Variants in ITGA8 observed in about 807,000 individuals in gnomAD.
The protein encoded by ITGA8 is integrin alpha-8.
Under a neutral mutation model 142.3 loss-of-function variants are expected in ITGA8, and 91 were observed. That is an observed-to-expected ratio of 0.64 (90% CI 0.54 to 0.76). The LOEUF (loss-of-function observed/expected upper bound fraction) is 0.76, where lower values mean the gene tolerates loss of function less well. Among genes scored for constraint, ITGA8 ranks in the 30% least tolerant of loss-of-function variants. The pLI is 0.00. For synonymous variants in ITGA8, 505 were observed against 485.2 expected (o/e 1.04, Z -0.54); for missense variants, 1,406 against 1,327.7 (o/e 1.06, Z -0.92).
intron 7 of ITGA8, among the ~76,000 whole-genome samples, chr10:15,672,139 T>C (rs1421649049): frequency 1.3e-5 from 2 of 152,226 alleles, no homozygotes; most frequent in African/African-American, 2.4e-5. Flanking sequence ...GCTGGCTACA[T>C]TGACAAAACA....
At chr10:15,628,077 G>C (rs568339895) in intron 13 of ITGA8, among the ~76,000 whole-genome samples, 1 of 151,922 alleles carries the variant, frequency 6.6e-6, no homozygotes, top group Non-Finnish European at 1.5e-5. Flanking sequence ...CCATGACAAC[G>C]TAAGAAAATT....
At chr10:15,571,451 A>T (rs1395685829) in intron 25 of ITGA8, among the ~76,000 whole-genome samples, 1 of 152,202 alleles carries the variant, frequency 6.6e-6, no homozygotes, top group Non-Finnish European at 1.5e-5. Flanking sequence ...TTCTTTATAC[A>T]AATGTGGCAT....
In ITGA8 at chr10:15,515,621, A is replaced by C. The variant is rs1332062602; in HGVS notation, c.*1537T>G. 6.7e-6 allele frequency: 1 copy of C among 148,914 alleles called. No individual in the cohort carries two copies. The highest frequency in any genetic ancestry group is 2.0e-4 in the East Asian group (1 of 5,056). The allele number at this position is 148,914 out of a possible 1,614,324, so 9.2% of individuals were successfully genotyped here. On this transcript the variant is annotated 3_prime_UTR_variant, in exon 30 of 30. Transcript: ENST00000378076. The stretch of plus-strand genomic sequence containing the variant: ...TTTAGGAAATTAATTAAAAAAAAAA[A>C]CGCCAGTGTAAACATGCTTCAGATA...
chr10:15,719,468 C>T (rs1276055435), intron 1 of ITGA8, 95 bp downstream of exon 1: 26 of 1,175,214 alleles, frequency 2.2e-5, no homozygotes, highest in African/African-American at 3.3e-5. Context: ...GGACGGGGAT[C>T]CCAGGCTGCG....
At chr10:15,641,645 A>C (rs1223343625) in intron 13 of ITGA8, among the ~76,000 whole-genome samples, 4 of 152,142 alleles carry the variant, frequency 2.6e-5, no homozygotes, top group Non-Finnish European at 5.9e-5. Context: ...TGAAAGCCTC[A>C]AGACTCTTGA....
chr10:15,627,217 G>T (rs1425986630), intron 13 of ITGA8, among the ~76,000 whole-genome samples: 2 of 152,174 alleles, frequency 1.3e-5, no homozygotes, highest in Non-Finnish European at 2.9e-5. Flanking sequence ...TACTTTCACT[G>T]GATCACTCAC....
intron 2 of ITGA8, 114 bp downstream of exon 2, chr10:15,718,652 A>G: frequency 7.6e-7 from 1 of 1,316,138 alleles, no homozygotes; most frequent in Admixed American, 2.0e-5. Context: ...CACAATACGG[A>G]CATATCAGAC....
At chr10:15,590,014 C>T (rs796599688) in intron 22 of ITGA8, among the ~76,000 whole-genome samples, 6 of 152,164 alleles carry the variant, frequency 3.9e-5, no homozygotes, top group Non-Finnish European at 5.9e-5. Flanking sequence ...CCACCCACCT[C>T]GGACTCCCAA....
intron 25 of ITGA8, among the ~76,000 whole-genome samples, chr10:15,565,804 G>A (rs1834068768): frequency 6.6e-6 from 1 of 151,588 alleles, no homozygotes; most frequent in Admixed American, 6.6e-5. Context: ...TTGCCAGGCT[G>A]GTTTTGAACT....
chr10:15,710,059 A>C (rs17303442), intron 2 of ITGA8, among the ~76,000 whole-genome samples: 12,983 of 152,206 alleles, frequency 0.085, 710 homozygotes, highest in Non-Finnish European at 0.12. Flanking sequence ...TTTCATTTAG[A>C]ATTTTTTTGT....
chr10:15,569,476 A>G (rs953057511), intron 25 of ITGA8, among the ~76,000 whole-genome samples: 13 of 152,230 alleles, frequency 8.5e-5, no homozygotes, highest in African/African-American at 2.4e-4. Context: ...GGTGAGTAAG[A>G]TTGGATACTG....
chr10:15,693,427 C>T (rs1453328211), intron 2 of ITGA8, among the ~76,000 whole-genome samples: 1 of 152,150 alleles, frequency 6.6e-6, no homozygotes, highest in African/African-American at 2.4e-5. Flanking sequence ...CTAAAATTTA[C>T]ATTTTGACAT....
chr10:15,678,447 A>C lies in ITGA8; in HGVS notation c.630+275T>G, dbSNP rs542790569. Among the ~76,000 whole-genome samples the C allele has an allele frequency of 3.5e-4, 54 of 152,314 alleles. 1 individual carries two copies. The highest frequency in any genetic ancestry group is 1.2e-3 in the Admixed American group (18 of 15,292). On this transcript the variant is annotated intron_variant, in intron 5 of 29. Coordinates refer to ENST00000378076, the MANE Select transcript of ITGA8 (RefSeq NM_003638.3). Reference sequence around the variant, plus strand: ...TTTTTAGATTTTCATTTAAAAAATTATTGCCACAAAGGATCAGAAGAAAGG... The same window carrying C: ...TTTTTAGATTTTCATTTAAAAAATTCTTGCCACAAAGGATCAGAAGAAAGG...
chr10:15,716,114 CA>C (rs1431219474), intron 2 of ITGA8, among the ~76,000 whole-genome samples: 4 of 152,244 alleles, frequency 2.6e-5, no homozygotes, highest in Non-Finnish European at 5.9e-5. Context: ...TTCATTCTGT[CA>C]TGGACCATTC....
At chr10:15,611,839 T>C (rs981529410) in intron 15 of ITGA8, among the ~76,000 whole-genome samples, 4 of 151,802 alleles carry the variant, frequency 2.6e-5, no homozygotes, top group East Asian at 1.9e-4. Context: ...TTCAGTCTTA[T>C]ACAAATATGC....
At chr10:15,619,153 G>T (rs540275516) in intron 13 of ITGA8, among the ~76,000 whole-genome samples, 26 of 152,254 alleles carry the variant, frequency 1.7e-4, no homozygotes, top group Admixed American at 1.1e-3. Flanking sequence ...GATCTTTATT[G>T]CATTCTTCTT....
At chr10:15,592,508 T>C (rs1832944361) in intron 21 of ITGA8, among the ~76,000 whole-genome samples, 2 of 152,234 alleles carry the variant, frequency 1.3e-5, no homozygotes, top group South Asian at 4.1e-4. Context: ...GTTGGTTCTC[T>C]CTCTCCATTT....
At chr10:15,672,480 A>G in intron 7 of ITGA8, 144 bp downstream of exon 7, 1 of 997,814 alleles carries the variant, frequency 1.0e-6, no homozygotes, top group Non-Finnish European at 1.5e-6. Flanking sequence ...ATTAAAAAGA[A>G]AAGAAAAATT....
At chr10:15,588,517 G>A (rs1832870686) in intron 22 of ITGA8, among the ~76,000 whole-genome samples, 1 of 152,130 alleles carries the variant, frequency 6.6e-6, no homozygotes, top group Admixed American at 6.6e-5. Flanking sequence ...AAGTAATTAA[G>A]TAATTTTACT....
Sources: gnomAD v4.1 joint callset for allele counts (sites outside exome capture counted in the v4.1 genomes callset) on GRCh38, gnomAD v4.1.1 for gene constraint, MANE v1.5 for transcripts, NCBI Gene and HGNC (gene_info 2026-07-23, HGNC 2026-07-21) for gene names.